The following HIF3A variants were observed in gnomAD, a reference collection of about 807,000 sequenced individuals.
HIF3A encodes the protein hypoxia-inducible factor 3-alpha.
A neutral mutation model predicts 67.2 loss-of-function variants in HIF3A; 41 were observed. That is an observed-to-expected ratio of 0.61 (90% CI 0.48 to 0.79). The LOEUF (loss-of-function observed/expected upper bound fraction) is 0.79, where lower values mean the gene tolerates loss of function less well. Ranked by LOEUF, HIF3A falls within the 30% of genes least tolerant of loss-of-function variation. The pLI, the probability that HIF3A is intolerant of heterozygous loss-of-function variation, is 0.00. For synonymous variants in HIF3A, 356 were observed against 374.8 expected, an observed-to-expected ratio of 0.95 and a Z score of 0.58; for missense variants, 855 against 898.0, an observed-to-expected ratio of 0.95 and a Z score of 0.61.
intron 2 of HIF3A, among the ~76,000 whole-genome samples, chr19:46,304,763 C>T (rs1051344900): frequency 3.9e-5 from 6 of 152,128 alleles, no homozygotes; most frequent in Non-Finnish European, 8.8e-5. Context: ...TTTTACTTTT[C>T]TTGGAGGCTT....
intron 1 of HIF3A, chr19:46,303,590 A>G (rs1968520575): frequency 1.3e-6 from 2 of 1,547,594 alleles, no homozygotes; most frequent in Non-Finnish European, 1.7e-6. Flanking sequence ...AGCCTGGGAA[A>G]TAAACTGCAG....
At chr19:46,312,352 A>G in intron 7 of HIF3A, 85 bp downstream of exon 7, 1 of 1,606,164 alleles carries the variant, frequency 6.2e-7, no homozygotes, top group Non-Finnish European at 8.5e-7. Context: ...CCCATACCCC[A>G]GGATGCACTG....
At chr19:46,335,575 A>T (rs561135651) in intron 14 of HIF3A, among the ~76,000 whole-genome samples, 12 of 151,664 alleles carry the variant, frequency 7.9e-5, no homozygotes, top group South Asian at 4.2e-4. Context: ...CAGCCTAAAA[A>T]TTTTTTTTTA....
chr19:46,312,631 G>T lies in HIF3A; in HGVS notation c.1003G>T (p.Val335Phe). Residue 335 changes from valine to phenylalanine, a missense_variant, in exon 8 of 15, where the codon GTC becomes TTC. Coordinates refer to ENST00000377670, the MANE Select transcript of HIF3A (RefSeq NM_152795.4). The stretch of plus-strand genomic sequence containing the variant: ...ACGGGGCCCCCAGTCGGAGAGTATC[G>T]TCTGTGTCCATTTTTTAATCAGGTA... The part of the protein sequence containing the change: ...GGRGPQSESI[V>F]CVHFLISQVE... 1 of 1,567,572 alleles carries T rather than the reference G, an allele frequency of 6.4e-7. No homozygotes were observed. Among genetic ancestry groups the T allele is most frequent in the Non-Finnish European group, 8.6e-7 (1 of 1,156,280 alleles).
At chr19:46,338,575 C>A in intron 14 of HIF3A, 1 of 1,093,090 alleles carries the variant, frequency 9.1e-7, no homozygotes, top group Non-Finnish European at 1.1e-6. Flanking sequence ...CAAGTAACAA[C>A]AGCTGACTTA....
At chr19:46,307,999 C>CAGACAGATAGAT (rs1555778658) in intron 3 of HIF3A, among the ~76,000 whole-genome samples, 43 of 49,380 alleles carry the variant, frequency 8.7e-4, no homozygotes, top group East Asian at 1.6e-3. Flanking sequence ...GACAGACAGA[C>CAGACAGATAGAT]AGATAGATAG....
At position 46,331,206 on chromosome 19, in the gene HIF3A, G is replaced by C; in HGVS notation, c.1763G>C (p.Gly588Ala). ...GAGGACGAGGGAGTGGAGCTGCTGGGAGTGAGACCTCCCAAAAGGTCCCCC... is the reference window on the plus strand; with the variant it reads ...GAGGACGAGGGAGTGGAGCTGCTGGCAGTGAGACCTCCCAAAAGGTCCCCC... ...EDEDEGVELL[G>A]VRPPKRSPSP... Residue 588 changes from glycine (G) to alanine (A), a missense_variant, in exon 13 of 15, where the codon GGA (glycine) becomes GCA (alanine). Around this residue, in one of 3 missense-constraint regions of HIF3A, gnomAD observed 199 missense variants for 193.8 expected, o/e 1.03. Coordinates refer to ENST00000377670, the MANE Select transcript of HIF3A (RefSeq NM_152795.4). 1 of 1,614,104 alleles carries C rather than the reference G, an allele frequency of 6.2e-7. No homozygotes were observed. The highest frequency in any genetic ancestry group is 1.1e-5 in the South Asian group (1 of 91,076).
intron 1 of HIF3A, among the ~76,000 whole-genome samples, chr19:46,301,754 G>A (rs1013116859): frequency 7.3e-5 from 11 of 151,536 alleles, no homozygotes; most frequent in Non-Finnish European, 8.8e-5. Context: ...CCCGGCAGGC[G>A]GAGGCTGCAG....
At chr19:46,323,194 G>C (rs949955284) in intron 10 of HIF3A, among the ~76,000 whole-genome samples, 2 of 152,038 alleles carry the variant, frequency 1.3e-5, no homozygotes, top group African/African-American at 4.8e-5. Context: ...GAGATTACAG[G>C]CGCACACTAC....
chr19:46,323,531 G>C (rs574122795), intron 10 of HIF3A, among the ~76,000 whole-genome samples: 7 of 152,210 alleles, frequency 4.6e-5, no homozygotes, highest in Non-Finnish European at 1.0e-4. Context: ...ATAAAAGACT[G>C]TTCTAACAAA....
At chr19:46,318,984 G>T (rs1289629453) in intron 8 of HIF3A, among the ~76,000 whole-genome samples, 1 of 152,136 alleles carries the variant, frequency 6.6e-6, no homozygotes, top group Non-Finnish European at 1.5e-5. Context: ...TAGCGGAGCT[G>T]GGATTTGAAC....
chr19:46,338,234 C>T (rs1194596285), intron 14 of HIF3A: 1 of 454,180 alleles, frequency 2.2e-6, no homozygotes, highest in Non-Finnish European at 4.4e-6. Context: ...TAGGTTTTCA[C>T]TTTGTCACCC....
intron 11 of HIF3A, 97 bp from the exon 12 acceptor site, chr19:46,329,110 C>T: frequency 8.4e-7 from 1 of 1,195,418 alleles, no homozygotes; most frequent in Non-Finnish European, 1.2e-6. Flanking sequence ...GACTGTTGAC[C>T]ACAGGCACAG....
At chr19:46,329,810 T>C (rs1971055860) in intron 12 of HIF3A, among the ~76,000 whole-genome samples, 1 of 151,802 alleles carries the variant, frequency 6.6e-6, no homozygotes, top group African/African-American at 2.4e-5. Context: ...AGAGAAACTA[T>C]CTAAGCCGGG....
chr19:46,331,531 A>AG (rs1971223891), intron 13 of HIF3A: 1 of 237,056 alleles, frequency 4.2e-6, no homozygotes, highest in African/African-American at 2.3e-5. Context: ...AAAAAAAAAA[A>AG]AAAAAAAAAA....
chr19:46,338,571 AC>A (rs894479356), intron 14 of HIF3A: 57 of 1,095,092 alleles, frequency 5.2e-5, no homozygotes, highest in Middle Eastern at 4.3e-4. Flanking sequence ...TTCCCAAGTA[AC>A]AACAGCTGAC....
chr19:46,298,366 C>CCCCCA, intron 1 of HIF3A: 1 of 1,266,446 alleles, frequency 7.9e-7, no homozygotes, highest in Non-Finnish European at 1.0e-6. Flanking sequence ...CTCGGGTGCC[C>CCCCCA]CCCCTCCCCA....
chr19:46,324,718 G>A, intron 10 of HIF3A, among the ~76,000 whole-genome samples: 1 of 151,648 alleles, frequency 6.6e-6, no homozygotes, highest in South Asian at 2.1e-4. Flanking sequence ...GCCAGGCGTG[G>A]TGGAGGGCGC....
intron 8 of HIF3A, chr19:46,313,207 C>T (rs1969616081): frequency 2.7e-6 from 2 of 734,276 alleles, no homozygotes; most frequent in Non-Finnish European, 3.3e-6. Context: ...GCCGAGATTG[C>T]GTCAGTGCAC....
Sources: gnomAD v4.1 joint callset for allele counts (sites outside exome capture counted in the v4.1 genomes callset) on GRCh38, gnomAD v4.1.1 for gene constraint, gnomAD v4.1.1 regional missense constraint, MANE v1.5 for transcripts, NCBI Gene and HGNC (gene_info 2026-07-23, HGNC 2026-07-21) for gene names.